Variants in POT1 observed in about 807,000 individuals in gnomAD.
POT1 encodes protection of telomeres 1, also known as protection of telomeres protein 1.
In POT1, 47 loss-of-function variants were observed where a neutral mutation model predicts 78.5. That is an observed-to-expected ratio of 0.60 (90% confidence interval 0.47 to 0.76). The LOEUF (loss-of-function observed/expected upper bound fraction) is 0.76. POT1 is among the 30% of genes least tolerant of loss of function. The probability of loss-of-function intolerance (pLI) is 0.00; values close to 1 mark genes in which losing one functional copy is unlikely to be tolerated. For missense variants in POT1, 646 were observed against 749.9 expected (o/e 0.86, Z 1.62); for synonymous variants, 259 against 260.7 (o/e 0.99, Z 0.06).
At chr7:124,854,861 G>A (rs1451069145) in intron 9 of POT1, among the ~76,000 whole-genome samples, 1 of 151,738 alleles carries the variant, frequency 6.6e-6, no homozygotes, top group African/African-American at 2.4e-5. Flanking sequence ...TAAAATATGT[G>A]TGTGTATATG....
At chr7:124,854,996 C>A (rs1461717472) in intron 9 of POT1, among the ~76,000 whole-genome samples, 1 of 151,294 alleles carries the variant, frequency 6.6e-6, no homozygotes, top group Admixed American at 6.6e-5. Context: ...ATGATAATTT[C>A]CTCCAAATTA....
chr7:124,911,075 T>C (rs549586478), intron 3 of POT1, among the ~76,000 whole-genome samples: 4 of 152,224 alleles, frequency 2.6e-5, no homozygotes, highest in East Asian at 3.9e-4. Flanking sequence ...TTAACATTCA[T>C]AAATGCAAAA....
chr7:124,892,122 G>A (rs1796386299), intron 6 of POT1, 144 bp downstream of exon 6: 1 of 515,404 alleles, frequency 1.9e-6, no homozygotes, highest in Non-Finnish European at 3.5e-6. Flanking sequence ...AATTAAACTA[G>A]CCAAAGAATA....
intron 3 of POT1, among the ~76,000 whole-genome samples, chr7:124,909,583 C>T (rs897170192): frequency 6.6e-6 from 1 of 151,664 alleles, no homozygotes; most frequent in African/African-American, 2.4e-5. Context: ...GTAAATGTGA[C>T]CTCAGTCTTC....
At chr7:124,833,129 ACT>A (rs1315891774) in intron 15 of POT1, among the ~76,000 whole-genome samples, 1 of 152,096 alleles carries the variant, frequency 6.6e-6, no homozygotes, top group African/African-American at 2.4e-5. Context: ...AAAAAGATGG[ACT>A]CTCAGATCAT....
chr7:124,880,167 A>G (rs991505620), intron 6 of POT1, among the ~76,000 whole-genome samples: 1 of 152,150 alleles, frequency 6.6e-6, no homozygotes, highest in Admixed American at 6.5e-5. Flanking sequence ...CCAATAAAAA[A>G]AAACACACAA....
At chr7:124,900,718 T>C (rs4501523) in intron 3 of POT1, 117,364 of 219,186 alleles carry the variant, frequency 0.54, 32,442 homozygotes, top group African/African-American at 0.64. Context: ...ACTGGGGAAG[T>C]GCAAGGGGTC....
In POT1 at chr7:124,841,027, C is replaced by A. The variant is rs547000637; in HGVS notation, c.1315G>T (p.Val439Leu). The change falls in exon 14 of 19, where the codon GTG becomes TTG. Residue 439 changes from valine (V) to leucine (L), a missense_variant. Transcript: ENST00000357628. ...QKGRKVAVHF[V>L]KNNGILPLSN... The stretch of plus-strand genomic sequence containing the variant: ...AGCGGGAGAATACCATTATTTTTCA[C>A]AAAATGAACTGCTACTTTTCGTCCT... 3.7e-6 allele frequency: 6 copies of A among 1,611,988 alleles called. No homozygotes were observed. In the Admixed American group the frequency reaches 8.3e-5, roughly 22 times the overall value.
chr7:124,844,010 G>A (rs889629894), intron 12 of POT1, among the ~76,000 whole-genome samples: 3 of 151,942 alleles, frequency 2.0e-5, no homozygotes, highest in African/African-American at 7.2e-5. Context: ...AAATGAGTCT[G>A]CCCAAATATA....
In POT1 at chr7:124,846,935, G is replaced by C. The variant is rs766684073; in HGVS notation, c.1006+7C>G. 6.4e-7 allele frequency: 1 copy of C among 1,567,846 alleles called. No individual in the cohort carries two copies. The highest frequency in any genetic ancestry group is 8.8e-7 in the Non-Finnish European group (1 of 1,138,412). ...GTGCCCATCTCAAAAATGATACATA[G>C]TCTTACTTGTAGCAGATAGCTGTTG... On this transcript the variant is annotated splice_region_variant and intron_variant, in intron 12 of 18. Transcript: ENST00000357628.
At chr7:124,905,462 C>A (rs922480715) in intron 3 of POT1, among the ~76,000 whole-genome samples, 5 of 151,956 alleles carry the variant, frequency 3.3e-5, no homozygotes, top group Admixed American at 6.6e-5. Context: ...CTTCCTTACA[C>A]CTTATACAAA....
intron 2 of POT1, among the ~76,000 whole-genome samples, chr7:124,917,526 A>G (rs886914970): frequency 6.6e-6 from 1 of 152,178 alleles, no homozygotes; most frequent in African/African-American, 2.4e-5. Context: ...ATGCCCAGAA[A>G]TAAAAACTAC....
chr7:124,869,755 A>G (rs1470134416), intron 7 of POT1, among the ~76,000 whole-genome samples: 2 of 151,938 alleles, frequency 1.3e-5, no homozygotes, highest in Non-Finnish European at 2.9e-5. Flanking sequence ...CTGATTTTGT[A>G]TTTTTAGTAG....
intron 3 of POT1, among the ~76,000 whole-genome samples, chr7:124,907,867 A>T (rs907797832): frequency 5.3e-5 from 8 of 152,096 alleles, no homozygotes; most frequent in South Asian, 4.1e-4. Context: ...GTATTTTAAA[A>T]AGTATATCAG....
At chr7:124,869,168 A>G (rs892613639) in intron 7 of POT1, among the ~76,000 whole-genome samples, 3 of 152,188 alleles carry the variant, frequency 2.0e-5, no homozygotes, top group Non-Finnish European at 4.4e-5. Context: ...TTGTGTATAC[A>G]AATTGTTGAA....
At chr7:124,869,331 TTAC>T (rs1390683453) in intron 7 of POT1, among the ~76,000 whole-genome samples, 9 of 152,164 alleles carry the variant, frequency 5.9e-5, no homozygotes, top group Non-Finnish European at 1.0e-4. Context: ...AATAATGACC[TTAC>T]TGGAGGGGGT....
intron 6 of POT1, among the ~76,000 whole-genome samples, chr7:124,885,527 G>C (rs1796223279): frequency 6.6e-6 from 1 of 152,036 alleles, no homozygotes. Flanking sequence ...AGCACTTTGG[G>C]AGGCCAAGGC....
chr7:124,902,310 A>G (rs1796641839), intron 3 of POT1, among the ~76,000 whole-genome samples: 2 of 152,362 alleles, frequency 1.3e-5, no homozygotes, highest in Admixed American at 1.3e-4. Flanking sequence ...GAAGCCCATC[A>G]GACTAATAGT....
intron 15 of POT1, among the ~76,000 whole-genome samples, chr7:124,830,625 G>C (rs1794737116): frequency 6.6e-6 from 1 of 151,662 alleles, no homozygotes; most frequent in Non-Finnish European, 1.5e-5. Context: ...CAGTGAAAGG[G>C]GAAACAGAAA....
Sources: gnomAD v4.1 joint callset for allele counts (sites outside exome capture counted in the v4.1 genomes callset) on GRCh38, gnomAD v4.1.1 for gene constraint, MANE v1.5 for transcripts, NCBI Gene and HGNC (gene_info 2026-07-23, HGNC 2026-07-21) for gene names.